The following HERC2 variants were observed in gnomAD, a reference collection of about 807,000 sequenced individuals.
The protein encoded by HERC2 is E3 ubiquitin-protein ligase HERC2.
Under a neutral mutation model 537.7 loss-of-function variants are expected in HERC2, and 102 were observed. That is an observed-to-expected ratio of 0.19 (90% confidence interval 0.16 to 0.22). The LOEUF is 0.22. Ranked by LOEUF, HERC2 falls within the 10% of genes least tolerant of loss-of-function variation. The pLI is 1.00. For missense variants in HERC2, 4,236 were observed against 6,198.2 expected (o/e 0.68, Z 10.63); for synonymous variants, 2,224 against 2,466.2 (o/e 0.90, Z 2.91).
Position 28,213,729 on chromosome 15 carries a change from C to A in HERC2, c.6786+13G>T, listed in dbSNP as rs1899534277. Reference sequence around the variant, plus strand: ...TCCCTTATCATGCAGTAACTAAGCACAAGTTCACCTACTGGTTTCAGCTGA... The same window carrying A: ...TCCCTTATCATGCAGTAACTAAGCAAAAGTTCACCTACTGGTTTCAGCTGA... On this transcript the variant is annotated intron_variant, in intron 42 of 92. Transcript: ENST00000261609. The A allele has an allele frequency of 6.2e-7, 1 of 1,610,694 alleles. No homozygotes were observed. Among genetic ancestry groups the A allele is most frequent in the Non-Finnish European group, 8.5e-7 (1 of 1,177,160 alleles).
chr15:28,240,388 C>A (rs1057103433), intron 23 of HERC2, among the ~76,000 whole-genome samples: 18 of 151,870 alleles, frequency 1.2e-4, no homozygotes, highest in Admixed American at 1.1e-3. Context: ...ACTACACTCC[C>A]GCCTGGGCGA....
intron 69 of HERC2, among the ~76,000 whole-genome samples, chr15:28,160,229 G>T (rs187786529): frequency 2.0e-5 from 3 of 152,162 alleles, no homozygotes; most frequent in Non-Finnish European, 4.4e-5. Context: ...CTCAAACTCC[G>T]TTCTGGGAGA....
rs1902073812 is a variant in HERC2 at position 28,233,275 on chromosome 15, G to C, written c.4546C>G (p.Leu1516Val). 2 of 1,543,686 alleles carry C rather than the reference G, an allele frequency of 1.3e-6. No individual in the cohort carries two copies. The highest frequency in any genetic ancestry group is 8.9e-7 in the Non-Finnish European group (1 of 1,119,428). ...ACAGCAGGTCTCAATTCATTAAAGA[G>C]GAATCTCAAACGTTCGATGACAGGA... is the stretch of plus-strand genomic sequence containing the variant. ...CAPVIERLRF[L>V]FNELRPAVCN... Residue 1516 changes from leucine (L) to valine (V), a missense_variant, in exon 30 of 93, where the codon CTC becomes GTC. Transcript: ENST00000261609.
chr15:28,297,500 G>A (rs1342544573), intron 3 of HERC2, among the ~76,000 whole-genome samples: 16 of 151,786 alleles, frequency 1.1e-4, no homozygotes, highest in Admixed American at 6.6e-4. Flanking sequence ...TATTAACTGA[G>A]TAACACCTCC....
At position 28,291,941 on chromosome 15, in the gene HERC2, A is replaced by C. The variant is rs2076326430; in HGVS notation, c.322+947T>G. 2.7e-5 allele frequency among the ~76,000 whole-genome samples: 4 copies of C among 150,356 alleles called. No homozygotes were observed. In the South Asian group the frequency reaches 8.4e-4, roughly 32 times the overall value. On this transcript the variant is annotated intron_variant, in intron 4 of 92. Transcript: ENST00000261609. ...AAAAAAAAAAAAAAAAAAAAGAGGC[A>C]AAAGGGCCAGGTGCAGTGGCTCATG...
intron 87 of HERC2, 55 bp downstream of exon 87, chr15:28,116,958 G>C: frequency 6.2e-7 from 1 of 1,612,530 alleles, no homozygotes; most frequent in Non-Finnish European, 8.5e-7. Flanking sequence ...CTCCCTGTGG[G>C]CTCAGGCGAC....
chr15:28,247,188 G>A (rs890463235), intron 21 of HERC2, among the ~76,000 whole-genome samples: 8 of 151,758 alleles, frequency 5.3e-5, no homozygotes, highest in African/African-American at 1.9e-4. Flanking sequence ...ACAGACGGGG[G>A]TCTCACCATG....
chr15:28,318,721 G>A (rs905036928), intron 2 of HERC2, among the ~76,000 whole-genome samples: 1 of 152,150 alleles, frequency 6.6e-6, no homozygotes, highest in Non-Finnish European at 1.5e-5. Context: ...GTTGCTGGAT[G>A]TAGGGCCCTA....
chr15:28,245,684 C>T (rs529343372), intron 23 of HERC2, among the ~76,000 whole-genome samples, 197 bp downstream of exon 23: 1 of 151,880 alleles, frequency 6.6e-6, no homozygotes, highest in South Asian at 2.1e-4. Context: ...TACATAAACA[C>T]ACATATATTT....
intron 70 of HERC2, among the ~76,000 whole-genome samples, chr15:28,149,745 C>T (rs546353582): frequency 6.6e-6 from 1 of 151,524 alleles, no homozygotes; most frequent in South Asian, 2.1e-4. Flanking sequence ...AAAAAACACA[C>T]GCGACTTCCA....
intron 71 of HERC2, 22 bp from the exon 72 acceptor site, chr15:28,144,826 C>A (rs201423371): frequency 6.2e-7 from 1 of 1,613,736 alleles, no homozygotes; most frequent in Non-Finnish European, 8.5e-7. Context: ...AAGCGCACCC[C>A]GGGGTTAGCT....
At chr15:28,233,045 T>C (rs1287535052) in intron 30 of HERC2, 101 bp downstream of exon 30, 3 of 824,292 alleles carry the variant, frequency 3.6e-6, no homozygotes, top group East Asian at 2.5e-5. Flanking sequence ...AAATGTCACA[T>C]GGAATCAACA....
In HERC2 at chr15:28,272,989, C is replaced by A; in HGVS notation, c.816G>T (p.Thr272=). Residue 272 remains threonine (T), a synonymous_variant, in exon 8 of 93, where the codon ACG becomes ACT. Transcript: ENST00000261609. ...TGCTTCCTGGCCCTTTGGTGGCTGG[C>A]GTTCCGTGAACATCCCTGAAATGAA... ...RSVVTGDVHG[T]PATKGPGSIP... 2 of 1,612,304 alleles carry A rather than the reference C, an allele frequency of 1.2e-6. No homozygotes were observed. Among genetic ancestry groups the A allele is most frequent in the South Asian group, 1.1e-5 (1 of 91,000 alleles).
chr15:28,263,180 C>T lies in HERC2; in HGVS notation c.1871-11G>A, dbSNP rs887099208. 3 of 1,595,470 alleles carry T rather than the reference C, an allele frequency of 1.9e-6. No individual in the cohort carries two copies. Among genetic ancestry groups the T allele is most frequent in the East Asian group, 2.2e-5 (1 of 44,484 alleles). ...AAGACCACACTTGCCCTAAAAAATA[C>T]AAATGCATTTAAATAACAACAACTC... is the stretch of plus-strand genomic sequence containing the variant. On this transcript the variant is annotated splice_polypyrimidine_tract_variant and intron_variant, in intron 14 of 92. Transcript: ENST00000261609.
chr15:28,158,070 T>C (rs923158843), intron 69 of HERC2, among the ~76,000 whole-genome samples: 5 of 152,220 alleles, frequency 3.3e-5, no homozygotes, highest in Admixed American at 6.5e-5. Context: ...TAATCCTGAG[T>C]TCTAGTTTGA....
At position 28,210,084 on chromosome 15, in the gene HERC2, T is replaced by C. The variant is rs989272897; in HGVS notation, c.7069+918A>G. ...TCAAGTGATTCTCCTGCCTCAGCCT[T>C]CCAAGTAGCTGGGATTACAGGCGGC... On this transcript the variant is annotated intron_variant, in intron 44 of 92. Transcript: ENST00000261609. Among the ~76,000 whole-genome samples, 30 of 150,956 alleles carry C rather than the reference T, an allele frequency of 2.0e-4. No individual in the cohort carries two copies. In the South Asian group the frequency reaches 2.1e-3, roughly 11 times the overall value.
chr15:28,278,273 C>T (rs1050639066), intron 5 of HERC2, among the ~76,000 whole-genome samples: 1 of 151,960 alleles, frequency 6.6e-6, no homozygotes, highest in Non-Finnish European at 1.5e-5. Flanking sequence ...GTCCCAGCTA[C>T]TTGGGAGGCT....
intron 23 of HERC2, among the ~76,000 whole-genome samples, chr15:28,241,723 G>A (rs906132641): frequency 6.6e-6 from 1 of 152,142 alleles, no homozygotes; most frequent in Non-Finnish European, 1.5e-5. Flanking sequence ...AGGGGGCTGA[G>A]GCAGGGGAAT....
intron 30 of HERC2, among the ~76,000 whole-genome samples, chr15:28,232,439 C>T (rs1901972964): frequency 1.3e-5 from 2 of 151,864 alleles, no homozygotes; most frequent in South Asian, 4.2e-4. Context: ...ATCCCAGCTA[C>T]TTGGAAGGCT....
Sources: gnomAD v4.1 joint callset for allele counts (sites outside exome capture counted in the v4.1 genomes callset) on GRCh38, gnomAD v4.1.1 for gene constraint, MANE v1.5 for transcripts, NCBI Gene and HGNC (gene_info 2026-07-23, HGNC 2026-07-21) for gene names.